LRMDA: variants seen among roughly 807,000 people sequenced by gnomAD.
The protein encoded by LRMDA is leucine rich melanocyte differentiation associated.
LRMDA carries 18 observed loss-of-function variants against 29.8 expected under a neutral mutation model. That is an observed-to-expected ratio of 0.60 (90% CI 0.42 to 0.90). The LOEUF (loss-of-function observed/expected upper bound fraction) is 0.90. Ranked by LOEUF, LRMDA falls within the 40% of genes least tolerant of loss-of-function variation. The pLI, the probability that LRMDA is intolerant of heterozygous loss-of-function variation, is 0.00. For synonymous variants in LRMDA, 125 were observed against 109.4 expected (o/e 1.14, Z -0.89); for missense variants, 273 against 273.9 (o/e 1.00, Z 0.02).
chr10:75,696,862 C>G (rs1842241541), intron 2 of LRMDA, among the ~76,000 whole-genome samples: 1 of 152,188 alleles, frequency 6.6e-6, no homozygotes, highest in African/African-American at 2.4e-5. Context: ...GCTGGCGATG[C>G]AAGGCCTAAC....
At chr10:76,045,038 A>T (rs113707676) in intron 3 of LRMDA, among the ~76,000 whole-genome samples, 1 of 103,670 alleles carries the variant, frequency 9.6e-6, no homozygotes, top group East Asian at 2.9e-4. Context: ...TTGCTAGTTT[A>T]CCTTCTCTTG....
At chr10:76,171,294 C>G (rs1005107572) in intron 5 of LRMDA, among the ~76,000 whole-genome samples, 4 of 152,176 alleles carry the variant, frequency 2.6e-5, no homozygotes, top group African/African-American at 9.7e-5. Flanking sequence ...CACCACCATG[C>G]CTGGCTAATT....
intron 5 of LRMDA, among the ~76,000 whole-genome samples, chr10:76,127,571 G>GT (rs34557655): frequency 0.15 from 22,472 of 147,136 alleles, 2,039 homozygotes; most frequent in Admixed American, 0.23. Context: ...AGAGTGCAGA[G>GT]TTTTTTTTTT....
intron 5 of LRMDA, among the ~76,000 whole-genome samples, chr10:76,072,811 G>T (rs1230274402): frequency 2.0e-5 from 3 of 152,228 alleles, no homozygotes; most frequent in Non-Finnish European, 4.4e-5. Flanking sequence ...ACTTATCTTT[G>T]TAAACTGCTC....
At chr10:75,969,846 T>C (rs892267294) in intron 2 of LRMDA, among the ~76,000 whole-genome samples, 1 of 152,196 alleles carries the variant, frequency 6.6e-6, no homozygotes, top group African/African-American at 2.4e-5. Flanking sequence ...AAAGTTAGCT[T>C]GTACATTGGG....
intron 6 of LRMDA, among the ~76,000 whole-genome samples, chr10:76,529,672 A>G (rs1429371408): frequency 6.6e-6 from 1 of 152,154 alleles, no homozygotes; most frequent in Non-Finnish European, 1.5e-5. Flanking sequence ...GTGGCAAAGA[A>G]CATGTTCCTC....
At chr10:76,490,107 ATTC>A (rs1342345372) in intron 6 of LRMDA, among the ~76,000 whole-genome samples, 1 of 152,008 alleles carries the variant, frequency 6.6e-6, no homozygotes, top group Non-Finnish European at 1.5e-5. Flanking sequence ...AGTTTCTATA[ATTC>A]TTCTTGTTAT....
At chr10:75,964,798 C>T (rs1169942395) in intron 2 of LRMDA, among the ~76,000 whole-genome samples, 2 of 152,138 alleles carry the variant, frequency 1.3e-5, no homozygotes, top group African/African-American at 4.8e-5. Context: ...GATGGGGTCT[C>T]ACTCTGTCAC....
At chr10:76,130,916 G>A (rs1849980096) in intron 5 of LRMDA, among the ~76,000 whole-genome samples, 2 of 152,116 alleles carry the variant, frequency 1.3e-5, no homozygotes. Context: ...ACTCGCCTCG[G>A]CCTCCCAAAG....
At chr10:76,146,616 A>G (rs1371944572) in intron 5 of LRMDA, among the ~76,000 whole-genome samples, 1 of 152,206 alleles carries the variant, frequency 6.6e-6, no homozygotes, top group Non-Finnish European at 1.5e-5. Flanking sequence ...TGAATGCAGC[A>G]CACCGATGGG....
At chr10:76,402,515 C>A (rs1841859819) in intron 6 of LRMDA, among the ~76,000 whole-genome samples, 1 of 152,030 alleles carries the variant, frequency 6.6e-6, no homozygotes, top group Non-Finnish European at 1.5e-5. Context: ...CCACTCCTGG[C>A]TAATTTTTAA....
At chr10:76,398,426 A>G (rs1841812544) in intron 6 of LRMDA, among the ~76,000 whole-genome samples, 1 of 152,210 alleles carries the variant, frequency 6.6e-6, no homozygotes, top group African/African-American at 2.4e-5. Flanking sequence ...GTTGCTTTGC[A>G]TAGAGGCAGT....
At chr10:75,924,907 G>C (rs1243548416) in intron 2 of LRMDA, among the ~76,000 whole-genome samples, 1 of 152,192 alleles carries the variant, frequency 6.6e-6, no homozygotes, top group African/African-American at 2.4e-5. Flanking sequence ...CTCTGCTTTT[G>C]AAGAAACGGG....
intron 2 of LRMDA, among the ~76,000 whole-genome samples, chr10:76,004,852 C>A (rs981870638): frequency 6.6e-6 from 1 of 151,804 alleles, no homozygotes; most frequent in Non-Finnish European, 1.5e-5. Flanking sequence ...TTCAGCCTCC[C>A]GAGTAGCTGG....
At chr10:76,031,558 G>A (rs1397160809) in intron 2 of LRMDA, among the ~76,000 whole-genome samples, 1 of 152,120 alleles carries the variant, frequency 6.6e-6, no homozygotes, top group African/African-American at 2.4e-5. Context: ...GAGTATGGAG[G>A]CTGCATGGAG....
In LRMDA at chr10:75,964,981, G is replaced by T. The variant is rs185606884; in HGVS notation, c.132-71027G>T. Among the ~76,000 whole-genome samples, 597 of 152,308 alleles carry T rather than the reference G, an allele frequency of 3.9e-3. 4 individuals are homozygous for T. The highest frequency in any genetic ancestry group is 6.3e-3 in the Non-Finnish European group (428 of 68,034). On this transcript the variant is annotated intron_variant, in intron 2 of 6. Coordinates refer to ENST00000611255, the MANE Select transcript of LRMDA (RefSeq NM_001305581.2). Reference sequence around the variant, plus strand: ...GGGTTTCGCCATGTTGGCGAGGCTGGTCTTGAACTCCTGATCTCAAGTGAT... The same window carrying T: ...GGGTTTCGCCATGTTGGCGAGGCTGTTCTTGAACTCCTGATCTCAAGTGAT...
chr10:75,827,752 G>T (rs1844272224), intron 2 of LRMDA, among the ~76,000 whole-genome samples: 1 of 152,178 alleles, frequency 6.6e-6, no homozygotes, highest in South Asian at 2.1e-4. Context: ...TATCCATCTT[G>T]TTATCCAGGA....
intron 2 of LRMDA, among the ~76,000 whole-genome samples, chr10:75,528,579 CACG>C (rs1385293347): frequency 6.6e-6 from 1 of 152,174 alleles, no homozygotes; most frequent in African/African-American, 2.4e-5. Flanking sequence ...CCCTGAACTT[CACG>C]ACTAGTTGGT....
intron 5 of LRMDA, among the ~76,000 whole-genome samples, chr10:76,238,753 T>C (rs771734259): frequency 1.1e-4 from 16 of 151,874 alleles, no homozygotes; most frequent in Non-Finnish European, 2.1e-4. Context: ...ATAGCTAACA[T>C]TTATTGAATG....
Sources: allele counts gnomAD v4.1 joint callset (sites outside exome capture counted in the v4.1 genomes callset), GRCh38; gene constraint gnomAD v4.1.1; transcripts MANE v1.5; gene names NCBI Gene and HGNC (gene_info 2026-07-23, HGNC 2026-07-21).